The following AGTPBP1 variants were observed in gnomAD, a reference collection of about 807,000 sequenced individuals.
The protein encoded by AGTPBP1 is cytosolic carboxypeptidase 1.
A neutral mutation model predicts 143.9 loss-of-function variants in AGTPBP1; 70 were observed. The observed-to-expected ratio is 0.49, with a 90% CI of 0.40 to 0.59. AGTPBP1 has a LOEUF of 0.59. AGTPBP1 is among the 20% of genes least tolerant of loss of function. The pLI is 0.00. For synonymous variants in AGTPBP1, 463 were observed against 500.2 expected, an observed-to-expected ratio of 0.93 and a Z score of 0.99; for missense variants, 1,229 against 1,464.5, an observed-to-expected ratio of 0.84 and a Z score of 2.62.
chr9:85,635,759 C>T lies in AGTPBP1; in HGVS notation c.1303-2385G>A, dbSNP rs548989229. Among the ~76,000 whole-genome samples the T allele has an allele frequency of 4.6e-5, 7 of 151,536 alleles. No individual in the cohort carries two copies. In the South Asian group the frequency reaches 1.5e-3, roughly 32 times the overall value. ...CTTGAACTGGCATTAAGGTGATTTCCCTCTCAAAAAGATGAAACTCCAGTA... is the reference window on the plus strand; with the variant it reads ...CTTGAACTGGCATTAAGGTGATTTCTCTCTCAAAAAGATGAAACTCCAGTA... On this transcript the variant is annotated intron_variant, in intron 13 of 25. Transcript: ENST00000357081.
rs143236977 is a variant in AGTPBP1, at chr9:85,586,772, A to C, written c.3033+59T>G. ...CATGATTATCACACAAGTGCTTGATAATTAAAAATGATATTTTATCTTTGA... is the reference window on the plus strand; with the variant it reads ...CATGATTATCACACAAGTGCTTGATCATTAAAAATGATATTTTATCTTTGA... On this transcript the variant is annotated intron_variant, in intron 22 of 25. Coordinates refer to ENST00000357081, the MANE Select transcript of AGTPBP1 (RefSeq NM_001330701.2). The C allele has an allele frequency of 3.8e-4, 595 of 1,565,982 alleles. 3 individuals are homozygous for C. In the African/African-American group the frequency reaches 7.5e-3, roughly 20 times the overall value.
chr9:85,773,956 A>C, the AGTPBP1 span: 5 of 1,609,416 alleles, frequency 3.1e-6, no homozygotes, highest in Non-Finnish European at 4.3e-6. Context: ...GACCATCTAA[A>C]ATTGCAGTGT....
At chr9:85,621,530 A>G (rs1015864425) in intron 14 of AGTPBP1, among the ~76,000 whole-genome samples, 4 of 74,896 alleles carry the variant, frequency 5.3e-5, no homozygotes, top group Non-Finnish European at 6.4e-5. Flanking sequence ...CCAATCATTT[A>G]AAAAAAAAAA....
At chr9:85,635,383 A>C (rs62566948) in intron 13 of AGTPBP1, among the ~76,000 whole-genome samples, 2,547 of 152,260 alleles carry the variant, frequency 0.017, 25 homozygotes, top group Middle Eastern at 0.054. Context: ...AGTGGAAGCA[A>C]TAAGGAGGAA....
intron 24 of AGTPBP1, 91 bp from the exon 25 acceptor site, chr9:85,575,566 T>C (rs985852449): frequency 2.4e-5 from 25 of 1,060,202 alleles, no homozygotes; most frequent in Middle Eastern, 3.2e-4. Context: ...AATTTATAAC[T>C]ATATTAATAA....
chr9:85,754,286 G>C, the AGTPBP1 span, among the ~76,000 whole-genome samples: 1 of 151,628 alleles, frequency 6.6e-6, no homozygotes, highest in South Asian at 2.1e-4. Flanking sequence ...CCGCCTCCCG[G>C]GTTCACACCA....
chr9:85,642,045 C>T (rs913174282), intron 13 of AGTPBP1, among the ~76,000 whole-genome samples: 1 of 152,008 alleles, frequency 6.6e-6, no homozygotes, highest in African/African-American at 2.4e-5. Flanking sequence ...ACAACTATAA[C>T]CTCACAACAA....
At chr9:85,725,727 T>C (rs1838430184) in intron 1 of AGTPBP1, among the ~76,000 whole-genome samples, 1 of 151,994 alleles carries the variant, frequency 6.6e-6, no homozygotes, top group Non-Finnish European at 1.5e-5. Flanking sequence ...CTGCACAATA[T>C]AGGGAGACCC....
At chr9:85,666,836 A>G (rs1229014475) in intron 8 of AGTPBP1, among the ~76,000 whole-genome samples, 2 of 152,130 alleles carry the variant, frequency 1.3e-5, no homozygotes, top group Non-Finnish European at 2.9e-5. Flanking sequence ...AAATAAATAA[A>G]AGCATAACTA....
chr9:85,678,943 G>A (rs564717726), intron 4 of AGTPBP1, among the ~76,000 whole-genome samples: 12 of 152,118 alleles, frequency 7.9e-5, no homozygotes, highest in African/African-American at 2.9e-4. Context: ...AGGGCTACAG[G>A]ATATTTTCCA....
At chr9:85,678,075 A>G (rs527907675) in intron 5 of AGTPBP1, among the ~76,000 whole-genome samples, 1 of 152,358 alleles carries the variant, frequency 6.6e-6, no homozygotes, top group East Asian at 1.9e-4. Context: ...TTTAGAAAAT[A>G]GCACACAAAG....
the AGTPBP1 span, among the ~76,000 whole-genome samples, chr9:85,768,095 C>G: frequency 6.6e-6 from 1 of 152,192 alleles, no homozygotes; most frequent in Non-Finnish European, 1.5e-5. Context: ...ATCTTGTCAA[C>G]CTACACCTAT....
chr9:85,552,659 T>C (rs1373227368), intron 25 of AGTPBP1, among the ~76,000 whole-genome samples: 1 of 152,198 alleles, frequency 6.6e-6, no homozygotes, highest in South Asian at 2.1e-4. Context: ...CATATGATGA[T>C]AATAATAAAA....
the AGTPBP1 span, among the ~76,000 whole-genome samples, chr9:85,784,448 C>CAT: frequency 1.3e-5 from 2 of 152,050 alleles, no homozygotes; most frequent in Non-Finnish European, 2.9e-5. Context: ...TGCTCTGTTG[C>CAT]CCAGGCTGGA....
intron 15 of AGTPBP1, 28 bp downstream of exon 15, chr9:85,621,174 A>G (rs1211456900): frequency 1.5e-6 from 2 of 1,291,180 alleles, no homozygotes; most frequent in African/African-American, 3.1e-5. Context: ...CTTAAAACTA[A>G]TAAAAGTTCA....
chr9:85,637,965 A>C (rs760910710), intron 13 of AGTPBP1, among the ~76,000 whole-genome samples: 4 of 152,238 alleles, frequency 2.6e-5, no homozygotes, highest in Non-Finnish European at 5.9e-5. Context: ...TGAGACACAA[A>C]AGGTAATGAA....
At chr9:85,590,291 A>T (rs548363038) in intron 19 of AGTPBP1, among the ~76,000 whole-genome samples, 1 of 152,136 alleles carries the variant, frequency 6.6e-6, no homozygotes, top group Admixed American at 6.6e-5. Flanking sequence ...AATGTATGTA[A>T]GCAAAACCAT....
chr9:85,779,546 G>A, the AGTPBP1 span, among the ~76,000 whole-genome samples: 2,680 of 152,062 alleles, frequency 0.018, 92 homozygotes, highest in African/African-American at 0.061. Context: ...CCAGATTAAG[G>A]GTGGGTGTGC....
At chr9:85,673,287 T>TA (rs1011734532) in intron 6 of AGTPBP1, among the ~76,000 whole-genome samples, 22 of 151,566 alleles carry the variant, frequency 1.5e-4, no homozygotes, top group East Asian at 5.8e-4. Flanking sequence ...AGACTGTCAT[T>TA]AAAAAAAACT....
Sources: allele counts gnomAD v4.1 joint callset (sites outside exome capture counted in the v4.1 genomes callset), GRCh38; gene constraint gnomAD v4.1.1; transcripts MANE v1.5; gene names NCBI Gene and HGNC (gene_info 2026-07-23, HGNC 2026-07-21).